Variants in NF1 observed in about 807,000 individuals in gnomAD.
NF1 encodes the protein neurofibromin 1, also known as neurofibromin.
Under a neutral mutation model 325.7 loss-of-function variants are expected in NF1, and 122 were observed. The observed-to-expected ratio is 0.37, with a 90% CI of 0.32 to 0.44. The LOEUF (loss-of-function observed/expected upper bound fraction) is 0.44. Ranked by LOEUF, NF1 falls within the 20% of genes least tolerant of loss-of-function variation. The pLI is 1.00. For synonymous variants in NF1, 1,091 were observed against 1,186.0 expected (o/e 0.92, Z 1.65); for missense variants, 2,140 against 3,415.4 (o/e 0.63, Z 9.31).
At chr17:31,354,110 A>G (rs536163666) in intron 51 of NF1, among the ~76,000 whole-genome samples, 1 of 152,334 alleles carries the variant, frequency 6.6e-6, no homozygotes, top group East Asian at 1.9e-4. Context: ...CCCATGTACT[A>G]AGTGAAAAAG....
At chr17:31,275,359 A>G (rs558466386) in intron 36 of NF1, among the ~76,000 whole-genome samples, 57 of 152,300 alleles carry the variant, frequency 3.7e-4, no homozygotes, top group Middle Eastern at 3.4e-3. Flanking sequence ...AACCCACTTC[A>G]TCTTATCACA....
At position 31,219,118 on chromosome 17, in the gene NF1, G is replaced by A. The variant is rs2143987482; in HGVS notation, c.1641G>A (p.Glu547=). 1 of 1,612,620 alleles carries A rather than the reference G, an allele frequency of 6.2e-7. No homozygotes were observed. The part of the protein sequence containing the change: ...HMPEIAQEAM[E]ALLVLHQLDS... ...CAGAGATTGCTCAGGAAGCAATGGA[G>A]GTAAGGGGAAAATGAATTCCATGTT... Residue 547 remains glutamate (E), a splice_region_variant and synonymous_variant, in exon 14 of 58, where the codon GAG becomes GAA. Transcript: ENST00000358273.
At chr17:31,288,950 CTTA>C (rs1379677901) in intron 36 of NF1, among the ~76,000 whole-genome samples, 1 of 152,120 alleles carries the variant, frequency 6.6e-6, no homozygotes. Context: ...ATGAAAGAAA[CTTA>C]GACTCTAGAA....
intron 24 of NF1, 117 bp from the exon 25 acceptor site, chr17:31,231,951 TAATGA>T (rs1168893776): frequency 1.6e-6 from 1 of 632,400 alleles, no homozygotes; most frequent in Non-Finnish European, 2.8e-6. Context: ...ATAATTTGTT[TAATGA>T]AATAGGTAGT....
chr17:31,165,331 G>GTT (rs2065826961), intron 4 of NF1, among the ~76,000 whole-genome samples: 1 of 152,192 alleles, frequency 6.6e-6, no homozygotes, highest in African/African-American at 2.4e-5. Context: ...AATGGCATCT[G>GTT]TGAAATAACA....
At chr17:31,095,417 GA>G in intron 1 of NF1, 48 bp downstream of exon 1, 4 of 1,519,588 alleles carry the variant, frequency 2.6e-6, no homozygotes, top group Admixed American at 2.0e-5. Flanking sequence ...TGGGGGTGGG[GA>G]CAGAGTAGGT....
chr17:31,266,409 A>G (rs1486559327), intron 36 of NF1, among the ~76,000 whole-genome samples: 1 of 151,990 alleles, frequency 6.6e-6, no homozygotes, highest in African/African-American at 2.4e-5. Flanking sequence ...AAAGTAAGAA[A>G]ATTGCATTGA....
chr17:31,313,816 C>A (rs535095236), intron 36 of NF1, among the ~76,000 whole-genome samples: 1 of 151,118 alleles, frequency 6.6e-6, no homozygotes, highest in Admixed American at 6.6e-5. Flanking sequence ...TTTTCTAAGG[C>A]AAGCTGAACT....
At chr17:31,201,213 A>C in intron 10 of NF1, 54 bp downstream of exon 10, 1 of 1,604,612 alleles carries the variant, frequency 6.2e-7, no homozygotes, top group Non-Finnish European at 8.5e-7. Context: ...TATCCTTTAT[A>C]AACAAAAAGA....
intron 36 of NF1, among the ~76,000 whole-genome samples, chr17:31,279,093 A>G (rs1029993310): frequency 6.6e-6 from 1 of 152,060 alleles, no homozygotes; most frequent in African/African-American, 2.4e-5. Context: ...ATTTAAAAAA[A>G]AATTAGCCAG....
At chr17:31,335,862 T>TGTA (rs2069654853) in intron 40 of NF1, among the ~76,000 whole-genome samples, 1 of 149,290 alleles carries the variant, frequency 6.7e-6, no homozygotes, top group Admixed American at 6.6e-5. Context: ...TATTTTTTTT[T>TGTA]TTTTTTTTTT....
chr17:31,298,421 C>G (rs1426411198), intron 36 of NF1, among the ~76,000 whole-genome samples: 1 of 152,042 alleles, frequency 6.6e-6, no homozygotes, highest in Non-Finnish European at 1.5e-5. Flanking sequence ...AGGAAAGTCT[C>G]TTTATGCCTT....
chr17:31,252,790 A>C (rs2067518298), intron 30 of NF1, 148 bp from the exon 31 acceptor site: 2 of 669,334 alleles, frequency 3.0e-6, no homozygotes, highest in Non-Finnish European at 2.6e-6. Flanking sequence ...ATTAAAATTC[A>C]TTCCTCAAAA....
chr17:31,331,454 A>T (rs964851551), intron 39 of NF1: 5 of 152,332 alleles, frequency 3.3e-5, no homozygotes, highest in Non-Finnish European at 7.4e-5. Flanking sequence ...TCTACATAAA[A>T]GTGCAATAAT....
At chr17:31,288,129 A>C (rs2068274914) in intron 36 of NF1, among the ~76,000 whole-genome samples, 2 of 151,736 alleles carry the variant, frequency 1.3e-5, no homozygotes, top group African/African-American at 4.8e-5. Flanking sequence ...TTAAAAATAC[A>C]AAAAAAATAA....
intron 33 of NF1, among the ~76,000 whole-genome samples, chr17:31,259,730 A>G (rs1597746238): frequency 6.6e-6 from 1 of 152,234 alleles, no homozygotes; most frequent in Non-Finnish European, 1.5e-5. Flanking sequence ...TTTTAGAGAA[A>G]AAAATGAGAT....
chr17:31,123,090 C>T (rs575146475), intron 1 of NF1, among the ~76,000 whole-genome samples: 3 of 152,274 alleles, frequency 2.0e-5, no homozygotes, highest in Admixed American at 6.5e-5. Context: ...AGAATCTTTG[C>T]CATTCAAAAA....
intron 57 of NF1, among the ~76,000 whole-genome samples, chr17:31,369,595 G>A (rs1205944553): frequency 6.6e-6 from 1 of 152,094 alleles, no homozygotes; most frequent in Non-Finnish European, 1.5e-5. Context: ...TCTGTTTGTT[G>A]TCCACCAAAG....
chr17:31,299,870 G>A (rs1475233894), intron 36 of NF1, among the ~76,000 whole-genome samples: 1 of 117,776 alleles, frequency 8.5e-6, no homozygotes, highest in African/African-American at 4.7e-5. Flanking sequence ...CTCTCATCTT[G>A]GAGTTTTCTC....
Sources: allele counts gnomAD v4.1 joint callset (sites outside exome capture counted in the v4.1 genomes callset), GRCh38; gene constraint gnomAD v4.1.1; transcripts MANE v1.5; gene names NCBI Gene and HGNC (gene_info 2026-07-23, HGNC 2026-07-21).